Variants in SGIP1 observed in about 807,000 individuals in gnomAD.
The protein encoded by SGIP1 is SH3GL interacting endocytic adaptor 1.
Under a neutral mutation model 107.5 loss-of-function variants are expected in SGIP1, and 38 were observed. The ratio of observed to expected loss-of-function variants is 0.35; its 90% CI spans 0.27 to 0.46. The LOEUF (loss-of-function observed/expected upper bound fraction) is 0.46, where lower values mean the gene tolerates loss of function less well. SGIP1 is among the 20% of genes least tolerant of loss of function. The pLI, the probability that SGIP1 is intolerant of heterozygous loss-of-function variation, is 1.00. For synonymous variants in SGIP1, 365 were observed against 366.1 expected (o/e 1.00, Z 0.03); for missense variants, 929 against 1,019.5 (o/e 0.91, Z 1.21).
At chr1:66,573,112 T>C (rs769862626) in intron 1 of SGIP1, among the ~76,000 whole-genome samples, 1 of 151,962 alleles carries the variant, frequency 6.6e-6, no homozygotes, top group Non-Finnish European at 1.5e-5. Context: ...GTGGAGTGAT[T>C]AAAATGTTCC....
At chr1:66,600,516 G>A (rs545078560) in intron 1 of SGIP1, among the ~76,000 whole-genome samples, 3 of 152,330 alleles carry the variant, frequency 2.0e-5, no homozygotes, top group Admixed American at 1.3e-4. Context: ...TAGAGAAGGC[G>A]ATGATTATGT....
At chr1:66,545,694 A>C (rs1391437009) in intron 1 of SGIP1, among the ~76,000 whole-genome samples, 1 of 151,568 alleles carries the variant, frequency 6.6e-6, no homozygotes, top group Non-Finnish European at 1.5e-5. Flanking sequence ...AAAGAGAGAG[A>C]GGAATTTTTA....
chr1:66,595,291 G>A (rs1274912223), intron 1 of SGIP1, among the ~76,000 whole-genome samples: 1 of 151,686 alleles, frequency 6.6e-6, no homozygotes, highest in Non-Finnish European at 1.5e-5. Flanking sequence ...TGTCAACTGG[G>A]TTCTCTTCCT....
chr1:66,536,885 G>A (rs1426508488), intron 1 of SGIP1, among the ~76,000 whole-genome samples: 1 of 152,180 alleles, frequency 6.6e-6, no homozygotes. Flanking sequence ...CTGCTGCTCA[G>A]AAAAAGCATG....
At chr1:66,695,781 C>T (rs1019250189) in intron 18 of SGIP1, among the ~76,000 whole-genome samples, 3 of 152,138 alleles carry the variant, frequency 2.0e-5, no homozygotes, top group African/African-American at 7.2e-5. Context: ...ACAAAACACA[C>T]CTTTTTTGGC....
chr1:66,741,570 AC>A, intron 24 of SGIP1, 134 bp downstream of exon 24: 1 of 880,710 alleles, frequency 1.1e-6, no homozygotes, highest in Non-Finnish European at 1.6e-6. Flanking sequence ...CAATTAGAAA[AC>A]CAACCAATTA....
chr1:66,636,423 G>C (rs557710713), intron 4 of SGIP1, among the ~76,000 whole-genome samples: 1 of 152,162 alleles, frequency 6.6e-6, no homozygotes, highest in Admixed American at 6.5e-5. Context: ...TGATCTGTAG[G>C]AGCCAGTGTA....
chr1:66,664,255 C>A (rs531758508), intron 8 of SGIP1, among the ~76,000 whole-genome samples: 1 of 151,624 alleles, frequency 6.6e-6, no homozygotes, highest in Non-Finnish European at 1.5e-5. Flanking sequence ...CCTTTTTTTT[C>A]TAATTTCATT....
chr1:66,680,363 C>T (rs2086404916), intron 14 of SGIP1, among the ~76,000 whole-genome samples: 1 of 152,188 alleles, frequency 6.6e-6, no homozygotes, highest in Non-Finnish European at 1.5e-5. Context: ...TGTATTCATA[C>T]AATTTATAGT....
intron 21 of SGIP1, 59 bp from the exon 22 acceptor site, chr1:66,739,276 T>C (rs1330875461): frequency 1.6e-5 from 25 of 1,555,754 alleles, no homozygotes; most frequent in Non-Finnish European, 2.1e-5. Flanking sequence ...GACATTTTGT[T>C]TGATGTCTAA....
At position 66,681,932 on chromosome 1, in the gene SGIP1, G is replaced by A; in HGVS notation, c.878G>A (p.Ser293Asn). ...EKLPSINDLD[S>N]IFGPVLSPKS... is the part of the protein sequence containing the mutation. Reference sequence around the variant, plus strand: ...CTACCATCCATCAATGACTTGGACAGCATTTTTGGGCCAGTATTGTCCCCC... The same window carrying A: ...CTACCATCCATCAATGACTTGGACAACATTTTTGGGCCAGTATTGTCCCCC... Residue 293 changes from serine to asparagine, a missense_variant, in exon 15 of 25, where the codon AGC (serine) becomes AAC (asparagine). Around this residue, in one of 2 missense-constraint regions of SGIP1, gnomAD observed 588 missense variants for 588.6 expected, o/e 1.00. Transcript: ENST00000371037. The A allele has an allele frequency of 1.9e-6, 3 of 1,614,156 alleles. No homozygotes were observed. Among genetic ancestry groups the A allele is most frequent in the Non-Finnish European group, 2.5e-6 (3 of 1,180,022 alleles).
intron 1 of SGIP1, among the ~76,000 whole-genome samples, chr1:66,544,971 A>C (rs4655617): frequency 0.43 from 64,991 of 151,940 alleles, 15,128 homozygotes; most frequent in East Asian, 0.84. Flanking sequence ...TGCTTGGATT[A>C]ATTCCTAATT....
chr1:66,634,243 A>T, intron 3 of SGIP1: 2 of 1,106,812 alleles, frequency 1.8e-6, no homozygotes, highest in South Asian at 2.7e-5. Flanking sequence ...TGACCTTTGC[A>T]AAGCTCTGTT....
At chr1:66,660,199 G>T in intron 7 of SGIP1, 1 of 188,660 alleles carries the variant, frequency 5.3e-6, no homozygotes, top group Non-Finnish European at 8.6e-6. Context: ...AAGAAAGAAA[G>T]AAAGAAAGAA....
At chr1:66,545,968 G>A (rs1292497025) in intron 1 of SGIP1, among the ~76,000 whole-genome samples, 2 of 152,164 alleles carry the variant, frequency 1.3e-5, no homozygotes, top group Non-Finnish European at 2.9e-5. Flanking sequence ...GTGTGCATGT[G>A]TGTAAATGCT....
At chr1:66,620,258 C>CACCA (rs1455753907) in intron 1 of SGIP1, among the ~76,000 whole-genome samples, 1 of 152,070 alleles carries the variant, frequency 6.6e-6, no homozygotes, top group African/African-American at 2.4e-5. Context: ...CAGAGAAAAA[C>CACCA]ACCAGTAAAC....
intron 1 of SGIP1, among the ~76,000 whole-genome samples, chr1:66,607,372 G>A (rs1309792504): frequency 6.6e-6 from 1 of 152,192 alleles, no homozygotes; most frequent in Non-Finnish European, 1.5e-5. Flanking sequence ...CTAGACACTG[G>A]GGTGTGGTCT....
chr1:66,552,136 C>T (rs1000993930), intron 1 of SGIP1, among the ~76,000 whole-genome samples: 7 of 152,110 alleles, frequency 4.6e-5, no homozygotes, highest in Admixed American at 4.6e-4. Context: ...GTGTTTACCA[C>T]CAGGCATCAT....
chr1:66,639,841 T>C lies in SGIP1; in HGVS notation c.228+8T>C. The C allele has an allele frequency of 1.2e-6, 2 of 1,607,784 alleles. No individual in the cohort carries two copies. Among genetic ancestry groups the C allele is most frequent in the Non-Finnish European group, 1.7e-6 (2 of 1,175,308 alleles). On this transcript the variant is annotated splice_region_variant and intron_variant, in intron 5 of 24. Transcript: ENST00000371037. ...ATTGATTGGGAAAGATATGTGAGTA[T>C]CAGAAGAGTGTTTCTCTTTATTAAG...
Sources: allele counts gnomAD v4.1 joint callset (sites outside exome capture counted in the v4.1 genomes callset), GRCh38; gene constraint gnomAD v4.1.1; regional missense constraint gnomAD v4.1.1; transcripts MANE v1.5; gene names NCBI Gene and HGNC (gene_info 2026-07-23, HGNC 2026-07-21).